Variants in ECT2L observed in about 807,000 individuals in gnomAD.
ECT2L encodes the protein epithelial cell transforming 2 like.
Under a neutral mutation model 122.8 loss-of-function variants are expected in ECT2L, and 126 were observed. The observed-to-expected ratio is 1.03, with a 90% confidence interval of 0.89 to 1.19. ECT2L has a LOEUF of 1.19. Among genes scored for constraint, ECT2L ranks in the 50% most tolerant of loss-of-function variants. The probability of loss-of-function intolerance (pLI) is 0.00; values close to 1 mark genes in which losing one functional copy is unlikely to be tolerated. For synonymous variants in ECT2L, 385 were observed against 381.8 expected (o/e 1.01, Z -0.10); for missense variants, 1,012 against 1,064.1 (o/e 0.95, Z 0.68).
At chr6:138,890,948 T>C (rs1218391262) in intron 20 of ECT2L, among the ~76,000 whole-genome samples, 3 of 152,168 alleles carry the variant, frequency 2.0e-5, no homozygotes, top group Non-Finnish European at 2.9e-5. Flanking sequence ...TTTTCCTCTA[T>C]AGGTAATAGA....
chr6:138,808,801 G>A (rs1238093590), intron 1 of ECT2L, among the ~76,000 whole-genome samples: 1 of 146,548 alleles, frequency 6.8e-6, no homozygotes, highest in Non-Finnish European at 1.5e-5. Context: ...ATCTCGACTC[G>A]CTGCAACCTC....
At position 138,882,845 on chromosome 6, in the gene ECT2L, C is replaced by T. The variant is rs751052032; in HGVS notation, c.2002C>T (p.Pro668Ser). Residue 668 changes from proline to serine, a missense_variant, in exon 16 of 22, where the codon CCT (proline) becomes TCT (serine). Transcript: ENST00000541398. ...ATATACCAATTTCTTCAACAATTAC[C>T]CTGTCATTCTGAAAACTATTGAGAA... is the stretch of plus-strand genomic sequence containing the variant. ...NTYTNFFNNYPVILKTIEKCR... is the reference protein window; with the variant it reads ...NTYTNFFNNYSVILKTIEKCR... 5.6e-6 allele frequency: 9 copies of T among 1,613,974 alleles called. No individual in the cohort carries two copies. The highest frequency in any genetic ancestry group is 2.7e-5 in the African/African-American group (2 of 74,916).
intron 21 of ECT2L, among the ~76,000 whole-genome samples, chr6:138,901,852 C>T (rs1779406835): frequency 6.6e-6 from 1 of 152,182 alleles, no homozygotes; most frequent in Non-Finnish European, 1.5e-5. Context: ...AACCCAAGAC[C>T]TTACAGAAGT....
intron 4 of ECT2L, among the ~76,000 whole-genome samples, chr6:138,821,548 A>T (rs1428461247): frequency 6.6e-6 from 1 of 152,184 alleles, no homozygotes; most frequent in Non-Finnish European, 1.5e-5. Context: ...CTGTACCTTG[A>T]TCATGTGCTT....
intron 13 of ECT2L, among the ~76,000 whole-genome samples, chr6:138,873,894 G>GTGTGTTTGTGTGTGTA (rs1554277003): frequency 2.1e-5 from 3 of 145,816 alleles, no homozygotes; most frequent in African/African-American, 7.7e-5. Flanking sequence ...GTGTGTGTGT[G>GTGTGTTTGTGTGTGTA]TGTGTGTGTG....
At chr6:138,901,234 C>A in intron 21 of ECT2L, 114 bp downstream of exon 21, 2 of 1,028,200 alleles carry the variant, frequency 1.9e-6, no homozygotes, top group South Asian at 1.7e-5. Context: ...AGGTTGCAAA[C>A]AATTCCCCCA....
chr6:138,828,453 G>A (rs1422789833), intron 4 of ECT2L, among the ~76,000 whole-genome samples: 1 of 152,002 alleles, frequency 6.6e-6, no homozygotes, highest in Non-Finnish European at 1.5e-5. Context: ...GGTAGTTTGG[G>A]GCCTGATGAA....
chr6:138,863,261 A>C (rs1379768701), intron 11 of ECT2L, among the ~76,000 whole-genome samples: 6 of 152,198 alleles, frequency 3.9e-5, no homozygotes, highest in Non-Finnish European at 8.8e-5. Context: ...GCTTTGTTAC[A>C]CCGACACCAC....
chr6:138,902,740 G>A lies in ECT2L; in HGVS notation c.*113G>A. ...ACAGAATAACTGTCATGGATGATGA[G>A]ATAAACTAAGATGACCCATAGGATC... On this transcript the variant is annotated 3_prime_UTR_variant, in exon 22 of 22. Transcript: ENST00000541398. 2 of 1,231,534 alleles carry A rather than the reference G, an allele frequency of 1.6e-6. No individual in the cohort carries two copies. The highest frequency in any genetic ancestry group is 2.3e-6 in the Non-Finnish European group (2 of 867,596). 76.3% of individuals were successfully genotyped at this position (1,231,534 alleles called of 1,614,324 possible).
rs557300154 is a variant in ECT2L, at chr6:138,876,267, AAAGAAGCAAAG to A, written c.1579-204_1579-194del. ...TAGTTCTCAAGTATTATGTAGTTCAAAAGAAGCAAAGGCTATTTTTAAAAAACATAAAATTG... is the reference window on the plus strand; with the variant it reads ...TAGTTCTCAAGTATTATGTAGTTCAAGCTATTTTTAAAAAACATAAAATTG... On this transcript the variant is annotated intron_variant, in intron 13 of 21. Coordinates refer to ENST00000541398, the MANE Select transcript of ECT2L (RefSeq NM_001077706.3). Among the ~76,000 whole-genome samples the A allele has an allele frequency of 2.6e-5, 4 of 152,344 alleles. No individual in the cohort carries two copies. In the South Asian group the frequency reaches 8.3e-4, roughly 32 times the overall value.
At chr6:138,900,773 G>A (rs930132904) in intron 20 of ECT2L, among the ~76,000 whole-genome samples, 175 bp from the exon 21 acceptor site, 2 of 152,154 alleles carry the variant, frequency 1.3e-5, no homozygotes, top group Non-Finnish European at 2.9e-5. Context: ...CAGAGACACA[G>A]GAGGGGCGAA....
rs573565313 is a variant in ECT2L at position 138,849,351 on chromosome 6, T to C, written c.986T>C (p.Ile329Thr). The C allele has an allele frequency of 4.4e-5, 71 of 1,613,982 alleles. No homozygotes were observed. Among genetic ancestry groups the C allele is most frequent in the Non-Finnish European group, 5.7e-5 (67 of 1,180,024 alleles). The part of the protein sequence containing the change: ...SVTLESLLYL[I>T]EKALDGQKAQ... Reference sequence around the variant, plus strand: ...ACCTTGGAAAGCCTTCTGTATCTTATAGAAAAAGCTCTGGATGGGCAGAAG... The same window carrying C: ...ACCTTGGAAAGCCTTCTGTATCTTACAGAAAAAGCTCTGGATGGGCAGAAG... The change falls in exon 9 of 22, where the codon ATA (isoleucine) becomes ACA (threonine). Residue 329 changes from isoleucine (I) to threonine (T), a missense_variant. Physicochemically the swap from Ile to Thr is moderately conservative, Grantham distance 89. Transcript: ENST00000541398.
chr6:138,836,636 C>T (rs998044623), intron 4 of ECT2L, among the ~76,000 whole-genome samples: 1 of 150,286 alleles, frequency 6.7e-6, no homozygotes, highest in Non-Finnish European at 1.5e-5. Flanking sequence ...TGGTGATTTC[C>T]TGATTTCTTA....
At chr6:138,859,246 T>C (rs1227045759) in intron 10 of ECT2L, among the ~76,000 whole-genome samples, 1 of 152,210 alleles carries the variant, frequency 6.6e-6, no homozygotes, top group Non-Finnish European at 1.5e-5. Context: ...AGTATCTCCT[T>C]TTTACTACTG....
intron 5 of ECT2L, among the ~76,000 whole-genome samples, 180 bp downstream of exon 5, chr6:138,838,694 G>A (rs1776932252): frequency 6.6e-6 from 1 of 152,102 alleles, no homozygotes; most frequent in African/African-American, 2.4e-5. Context: ...CTATAAATAA[G>A]GAATATAGAC....
At position 138,846,557 on chromosome 6, in the gene ECT2L, C is replaced by G; in HGVS notation, c.783C>G (p.Ser261Arg). The G allele has an allele frequency of 5.0e-6, 8 of 1,588,322 alleles. No homozygotes were observed. Among genetic ancestry groups the G allele is most frequent in the Non-Finnish European group, 6.0e-6 (7 of 1,172,726 alleles). ...TLPKRSNISGSHSYPLLSKKN... is the reference protein window; with the variant it reads ...TLPKRSNISGRHSYPLLSKKN... ...TCCATAGAAGCAATATTTCTGGAAGCCATTCCTACCCTTTATTATCAAAGA... is the reference window on the plus strand; with the variant it reads ...TCCATAGAAGCAATATTTCTGGAAGGCATTCCTACCCTTTATTATCAAAGA... Residue 261 changes from serine to arginine, a missense_variant, in exon 8 of 22, where the codon AGC (serine) becomes AGG (arginine). Ser to Arg is a moderately radical substitution (Grantham distance 110). Coordinates refer to ENST00000541398, the MANE Select transcript of ECT2L (RefSeq NM_001077706.3).
chr6:138,862,533 A>T (rs1375608979), intron 10 of ECT2L, 94 bp from the exon 11 acceptor site: 1 of 1,249,558 alleles, frequency 8.0e-7, no homozygotes, highest in Non-Finnish European at 1.2e-6. Context: ...ATTAGATTTC[A>T]ACATGAGATT....
intron 10 of ECT2L, among the ~76,000 whole-genome samples, chr6:138,859,652 T>C (rs1315156545): frequency 6.6e-6 from 1 of 152,192 alleles, no homozygotes; most frequent in Non-Finnish European, 1.5e-5. Flanking sequence ...GATCTTTTCA[T>C]GTGCTTATTT....
chr6:138,802,624 G>A (rs1257862500), intron 1 of ECT2L, among the ~76,000 whole-genome samples: 1 of 151,998 alleles, frequency 6.6e-6, no homozygotes, highest in Non-Finnish European at 1.5e-5. Flanking sequence ...TGTTTTCTGG[G>A]GAAATACTCA....
Sources: gnomAD v4.1 joint callset for allele counts (sites outside exome capture counted in the v4.1 genomes callset) on GRCh38, gnomAD v4.1.1 for gene constraint, MANE v1.5 for transcripts, NCBI Gene and HGNC (gene_info 2026-07-23, HGNC 2026-07-21) for gene names.